The following RAPGEF2 variants were observed in gnomAD, a reference collection of about 807,000 sequenced individuals.
The protein encoded by RAPGEF2 is Rap guanine nucleotide exchange factor 2, also known as PDZ domain containing guanine nucleotide exchange factor (GEF) 1.
RAPGEF2 carries 54 observed loss-of-function variants against 186.7 expected under a neutral mutation model. That is an observed-to-expected ratio of 0.29 (90% CI 0.23 to 0.36). The LOEUF (loss-of-function observed/expected upper bound fraction) is 0.36. RAPGEF2 is among the 10% of genes least tolerant of loss of function. The pLI, the probability that RAPGEF2 is intolerant of heterozygous loss-of-function variation, is 1.00. For missense variants in RAPGEF2, 1,532 were observed against 2,045.0 expected, an observed-to-expected ratio of 0.75 and a Z score of 4.84; for synonymous variants, 712 against 705.9, an observed-to-expected ratio of 1.01 and a Z score of -0.14.
intron 7 of RAPGEF2, among the ~76,000 whole-genome samples, chr4:159,291,494 C>T (rs1278018286): frequency 6.6e-6 from 1 of 152,100 alleles, no homozygotes; most frequent in Non-Finnish European, 1.5e-5. Context: ...CAGGGTTTTG[C>T]CATGTTGCCC....
chr4:159,255,931 A>G (rs1365078944), intron 7 of RAPGEF2, among the ~76,000 whole-genome samples: 2 of 152,204 alleles, frequency 1.3e-5, no homozygotes, highest in Admixed American at 1.3e-4. Context: ...CCATCCAGAA[A>G]ACAGGTTTTT....
chr4:159,246,489 T>G (rs1224307218), intron 7 of RAPGEF2, among the ~76,000 whole-genome samples: 1 of 152,154 alleles, frequency 6.6e-6, no homozygotes, highest in Middle Eastern at 3.2e-3. Context: ...AATGGGTGTA[T>G]AAGATATAAC....
intron 1 of RAPGEF2, among the ~76,000 whole-genome samples, chr4:159,159,513 G>A: frequency 7.3e-6 from 1 of 136,170 alleles, no homozygotes; most frequent in Non-Finnish European, 1.6e-5. Context: ...GTGTAGTGTT[G>A]TTCCAAGAAA....
intron 29 of RAPGEF2, 89 bp downstream of exon 29, chr4:159,356,247 CA>C: frequency 7.6e-7 from 1 of 1,319,882 alleles, no homozygotes; most frequent in Non-Finnish European, 1.0e-6. Flanking sequence ...CTTAACACTG[CA>C]GTCAGCTATG....
intron 1 of RAPGEF2, among the ~76,000 whole-genome samples, chr4:159,160,253 A>G (rs1744568395): frequency 6.6e-6 from 1 of 152,178 alleles, no homozygotes. Flanking sequence ...TTTTATATAA[A>G]ATGTTAATAA....
At chr4:159,218,439 C>T (rs1191440992) in intron 4 of RAPGEF2, among the ~76,000 whole-genome samples, 2 of 152,180 alleles carry the variant, frequency 1.3e-5, no homozygotes, top group African/African-American at 2.4e-5. Context: ...GCTTTTTAGA[C>T]ATTTTCTTTA....
At chr4:159,258,167 A>G (rs1249805037) in intron 7 of RAPGEF2, among the ~76,000 whole-genome samples, 2 of 152,204 alleles carry the variant, frequency 1.3e-5, no homozygotes, top group African/African-American at 4.8e-5. Flanking sequence ...GTAACTGACA[A>G]TTTCAAAGTG....
chr4:159,221,682 A>C (rs1461055275), intron 4 of RAPGEF2, among the ~76,000 whole-genome samples: 1 of 152,188 alleles, frequency 6.6e-6, no homozygotes, highest in Admixed American at 6.5e-5. Context: ...TTAATTGCCT[A>C]TGCTTACATT....
chr4:159,252,252 A>G (rs1251390075), intron 7 of RAPGEF2, among the ~76,000 whole-genome samples: 1 of 152,132 alleles, frequency 6.6e-6, no homozygotes, highest in African/African-American at 2.4e-5. Flanking sequence ...GTTTCGCCAT[A>G]TTGCCCAGGC....
Position 159,107,694 on chromosome 4 carries a change from C to A in RAPGEF2, c.69+3463C>A, listed in dbSNP as rs573007846. ...AAAGAATACAGGACTTAATTCATTG[C>A]TAAGTACTTGGTAGAATTCATCGTG... is the stretch of plus-strand genomic sequence containing the variant. On this transcript the variant is annotated intron_variant, in intron 1 of 29. Coordinates refer to ENST00000691494, the MANE Select transcript of RAPGEF2 (RefSeq NM_001394067.2). Among the ~76,000 whole-genome samples the A allele has an allele frequency of 2.0e-5, 3 of 152,128 alleles. No homozygotes were observed. In the East Asian group the frequency reaches 5.8e-4, roughly 29 times the overall value.
At chr4:159,279,019 C>T (rs1235738296) in intron 7 of RAPGEF2, among the ~76,000 whole-genome samples, 1 of 152,112 alleles carries the variant, frequency 6.6e-6, no homozygotes, top group Non-Finnish European at 1.5e-5. Flanking sequence ...CTTTTCCATC[C>T]CCTACGGTTC....
intron 1 of RAPGEF2, among the ~76,000 whole-genome samples, chr4:159,172,936 TC>T (rs1746064225): frequency 6.6e-6 from 1 of 152,184 alleles, no homozygotes; most frequent in African/African-American, 2.4e-5. Flanking sequence ...GATAAACTAT[TC>T]CTCTTCTCTG....
chr4:159,279,544 T>C (rs1202802688), intron 7 of RAPGEF2, among the ~76,000 whole-genome samples: 1 of 152,138 alleles, frequency 6.6e-6, no homozygotes, highest in Admixed American at 6.6e-5. Context: ...AAATGTAGAG[T>C]AACTTTACCT....
intron 1 of RAPGEF2, among the ~76,000 whole-genome samples, chr4:159,162,250 T>C (rs1265590241): frequency 2.1e-5 from 3 of 145,662 alleles, no homozygotes; most frequent in African/African-American, 7.7e-5. Flanking sequence ...AATAGCTGGA[T>C]GTGGTAGCGT....
chr4:159,259,303 G>A (rs1309248938), intron 7 of RAPGEF2, among the ~76,000 whole-genome samples: 2 of 152,172 alleles, frequency 1.3e-5, no homozygotes, highest in Non-Finnish European at 2.9e-5. Context: ...TACCATTTAA[G>A]TGCCTTTTGA....
intron 7 of RAPGEF2, among the ~76,000 whole-genome samples, chr4:159,280,312 G>C (rs1461031581): frequency 2.0e-5 from 3 of 152,028 alleles, no homozygotes; most frequent in Non-Finnish European, 4.4e-5. Context: ...TCTTTATTAC[G>C]GTTTTGACTG....
chr4:159,187,648 A>G (rs1018442083), intron 2 of RAPGEF2, among the ~76,000 whole-genome samples: 2 of 152,156 alleles, frequency 1.3e-5, no homozygotes, highest in Non-Finnish European at 2.9e-5. Context: ...CTTCTGTTGT[A>G]CAGTAATACA....
At chr4:159,170,413 C>T (rs1745788071) in intron 1 of RAPGEF2, among the ~76,000 whole-genome samples, 2 of 151,970 alleles carry the variant, frequency 1.3e-5, no homozygotes, top group African/African-American at 2.4e-5. Context: ...AACCAATAAA[C>T]AAACAATACA....
At chr4:159,274,901 T>C (rs1758633792) in intron 7 of RAPGEF2, among the ~76,000 whole-genome samples, 1 of 152,160 alleles carries the variant, frequency 6.6e-6, no homozygotes, top group African/African-American at 2.4e-5. Context: ...TCCCTTAAGC[T>C]CACCAATGGT....
Sources: allele counts gnomAD v4.1 joint callset (sites outside exome capture counted in the v4.1 genomes callset), GRCh38; gene constraint gnomAD v4.1.1; transcripts MANE v1.5; gene names NCBI Gene and HGNC (gene_info 2026-07-23, HGNC 2026-07-21).